The following PRKAR2A variants were observed in gnomAD, a reference collection of about 807,000 sequenced individuals.
The protein encoded by PRKAR2A is cAMP-dependent protein kinase type II-alpha regulatory subunit.
PRKAR2A carries 29 observed loss-of-function variants against 51.9 expected under a neutral mutation model. That is an observed-to-expected ratio of 0.56 (90% CI 0.42 to 0.76). The LOEUF (loss-of-function observed/expected upper bound fraction) is 0.76. PRKAR2A is among the 30% of genes least tolerant of loss of function. The pLI, the probability that PRKAR2A is intolerant of heterozygous loss-of-function variation, is 0.00. For synonymous variants in PRKAR2A, 178 were observed against 186.2 expected (o/e 0.96, Z 0.36); for missense variants, 445 against 512.1 (o/e 0.87, Z 1.26).
intron 8 of PRKAR2A, among the ~76,000 whole-genome samples, chr3:48,762,338 C>T (rs888145063): frequency 6.6e-6 from 1 of 152,154 alleles, no homozygotes; most frequent in African/African-American, 2.4e-5. Context: ...GGTAGGAATA[C>T]AAGACAGTAC....
intron 2 of PRKAR2A, among the ~76,000 whole-genome samples, chr3:48,800,531 T>TACACAC (rs534797511): frequency 2.7e-5 from 4 of 148,126 alleles, no homozygotes; most frequent in Admixed American, 6.7e-5. Flanking sequence ...AAAAACTATA[T>TACACAC]ACACACACAC....
chr3:48,772,855 G>A, intron 6 of PRKAR2A, 100 bp downstream of exon 6: 17 of 1,231,594 alleles, frequency 1.4e-5, no homozygotes, highest in Non-Finnish European at 1.9e-5. Context: ...TGTTAGCCAG[G>A]ATGGCTGTAA....
At chr3:48,783,210 C>A in intron 4 of PRKAR2A, 118 bp from the exon 5 acceptor site, 1 of 675,502 alleles carries the variant, frequency 1.5e-6, no homozygotes, top group Non-Finnish European at 2.6e-6. Flanking sequence ...AAGCAGAAAC[C>A]TAAAGGTTGT....
intron 1 of PRKAR2A, among the ~76,000 whole-genome samples, chr3:48,812,852 A>C (rs2082798842): frequency 1.3e-5 from 2 of 152,210 alleles, no homozygotes; most frequent in Non-Finnish European, 2.9e-5. Flanking sequence ...TAGTTCTGAA[A>C]TACACGTGGA....
chr3:48,803,235 G>A (rs2107348099), intron 2 of PRKAR2A, among the ~76,000 whole-genome samples: 1 of 152,208 alleles, frequency 6.6e-6, no homozygotes, highest in Admixed American at 6.5e-5. Flanking sequence ...GCAACAAAGG[G>A]AGACCTTGTC....
chr3:48,788,904 GCCC>G (rs888539597), intron 4 of PRKAR2A, among the ~76,000 whole-genome samples: 4 of 152,086 alleles, frequency 2.6e-5, no homozygotes, highest in Non-Finnish European at 5.9e-5. Context: ...TCAGGAGATA[GCCC>G]TTGTTCTTTA....
At chr3:48,800,586 A>G (rs1285139531) in intron 2 of PRKAR2A, among the ~76,000 whole-genome samples, 2 of 152,214 alleles carry the variant, frequency 1.3e-5, no homozygotes, top group Non-Finnish European at 2.9e-5. Flanking sequence ...GCCGCATTTA[A>G]GGAATTCATG....
rs1179268114 is a variant in PRKAR2A at position 48,748,538 on chromosome 3, T to G, written c.*3047A>C. ...TGTGAAGGCAAAGACTAGACTGGGA[T>G]GTGTGCGAGAGTGGGATAAGAAGGC... On this transcript the variant is annotated 3_prime_UTR_variant, in exon 11 of 11. Transcript: ENST00000265563. The G allele has an allele frequency of 6.6e-6, 1 of 152,218 alleles. No individual in the cohort carries two copies. Among genetic ancestry groups the G allele is most frequent in the Non-Finnish European group, 1.5e-5 (1 of 68,140 alleles). The allele number at this position is 152,218 out of a possible 1,614,324, so 9.4% of individuals were successfully genotyped here. A position where few individuals can be genotyped will look rare whatever the true frequency, so the allele number is the denominator to read the frequency against.
intron 1 of PRKAR2A, among the ~76,000 whole-genome samples, chr3:48,811,497 T>C (rs1483011105): frequency 6.6e-6 from 1 of 152,046 alleles, no homozygotes; most frequent in Non-Finnish European, 1.5e-5. Flanking sequence ...AAGGAATCAT[T>C]ACTGACATAT....
chr3:48,757,311 A>G (rs778789628), intron 8 of PRKAR2A, among the ~76,000 whole-genome samples: 1 of 152,186 alleles, frequency 6.6e-6, no homozygotes, highest in Non-Finnish European at 1.5e-5. Context: ...TCAAGGCTTG[A>G]TGACTTTTTA....
At chr3:48,765,193 G>A in intron 7 of PRKAR2A, 55 bp downstream of exon 7, 1 of 1,555,268 alleles carries the variant, frequency 6.4e-7, no homozygotes, top group Non-Finnish European at 8.8e-7. Context: ...CAACAGAATA[G>A]TTTTAAAAGC....
chr3:48,761,098 AC>A (rs1207552734), intron 8 of PRKAR2A, among the ~76,000 whole-genome samples: 1 of 152,052 alleles, frequency 6.6e-6, no homozygotes, highest in African/African-American at 2.4e-5. Context: ...GCTGGCTAAC[AC>A]GGTGAAACCT....
Position 48,749,248 on chromosome 3 carries a change from C to T in PRKAR2A, c.*2337G>A, listed in dbSNP as rs547254992. 4 of 152,134 alleles carry T rather than the reference C, an allele frequency of 2.6e-5. No homozygotes were observed. Among genetic ancestry groups the T allele is most frequent in the Non-Finnish European group, 5.9e-5 (4 of 67,996 alleles). 9.4% of individuals were successfully genotyped at this position (152,134 alleles called of 1,614,324 possible). A position where few individuals can be genotyped will look rare whatever the true frequency, so the allele number is the denominator to read the frequency against. On this transcript the variant is annotated 3_prime_UTR_variant, in exon 11 of 11. Coordinates refer to ENST00000265563, the MANE Select transcript of PRKAR2A (RefSeq NM_004157.4). ...GGAAATTTCACACTGCTCCTAGGAGCCCTTATAGCATCTGATTCTAAGTTA... is the reference window on the plus strand; with the variant it reads ...GGAAATTTCACACTGCTCCTAGGAGTCCTTATAGCATCTGATTCTAAGTTA...
chr3:48,778,807 G>A (rs1204371605), intron 5 of PRKAR2A, among the ~76,000 whole-genome samples: 2 of 147,376 alleles, frequency 1.4e-5, no homozygotes, highest in African/African-American at 2.5e-5. Flanking sequence ...CGTGAGCCAC[G>A]GTGCTCGGCC....
Position 48,749,113 on chromosome 3 carries a change from G to C in PRKAR2A, c.*2472C>G, listed in dbSNP as rs1192755625. ...TACAATAGAAATGACTCAAGCCCTA[G>C]CATGTAATCTCTTAGGGACTTAACA... On this transcript the variant is annotated 3_prime_UTR_variant, in exon 11 of 11. Transcript: ENST00000265563. 6.6e-6 allele frequency: 1 copy of C among 152,174 alleles called. No individual in the cohort carries two copies. Among genetic ancestry groups the C allele is most frequent in the African/African-American group, 2.4e-5 (1 of 41,434 alleles). The allele number at this position is 152,174 out of a possible 1,614,324, so 9.4% of individuals were successfully genotyped here.
intron 1 of PRKAR2A, among the ~76,000 whole-genome samples, chr3:48,823,791 A>G (rs943989085): frequency 7.3e-5 from 11 of 151,472 alleles, no homozygotes; most frequent in Admixed American, 2.0e-4. Flanking sequence ...GTCTCCAAAA[A>G]AAAAAAAAAA....
chr3:48,842,396 A>G (rs1181380954), intron 1 of PRKAR2A, among the ~76,000 whole-genome samples: 1 of 152,164 alleles, frequency 6.6e-6, no homozygotes, highest in African/African-American at 2.4e-5. Context: ...CTAACTGAAT[A>G]GCCTTTATTT....
At chr3:48,762,868 G>A (rs1370494886) in intron 8 of PRKAR2A, among the ~76,000 whole-genome samples, 5 of 152,146 alleles carry the variant, frequency 3.3e-5, no homozygotes, top group African/African-American at 1.2e-4. Context: ...ATTATGCTAA[G>A]AGAAAGAAGC....
chr3:48,816,904 G>A (rs987383510), intron 1 of PRKAR2A, among the ~76,000 whole-genome samples: 2 of 152,010 alleles, frequency 1.3e-5, no homozygotes, highest in Non-Finnish European at 2.9e-5. Context: ...TAAGGAGACT[G>A]GGTACAATGG....
Sources: allele counts gnomAD v4.1 joint callset (sites outside exome capture counted in the v4.1 genomes callset), GRCh38; gene constraint gnomAD v4.1.1; transcripts MANE v1.5; gene names NCBI Gene and HGNC (gene_info 2026-07-23, HGNC 2026-07-21).